The following SNX20 variants were observed in gnomAD, a reference collection of about 807,000 sequenced individuals.
The protein encoded by SNX20 is sorting nexin 20.
SNX20 carries 21 observed loss-of-function variants against 24.5 expected under a neutral mutation model. The ratio of observed to expected loss-of-function variants is 0.86; its 90% CI spans 0.61 to 1.23. SNX20 has a LOEUF of 1.23. Ranked by LOEUF, SNX20 falls within the 50% of genes most tolerant of loss-of-function variation. The pLI, the probability that SNX20 is intolerant of heterozygous loss-of-function variation, is 0.00. For synonymous variants in SNX20, 206 were observed against 192.8 expected (o/e 1.07, Z -0.57); for missense variants, 433 against 430.8 (o/e 1.00, Z -0.04).
chr16:50,667,757 G>A, downstream of SNX20: 1 of 533,396 alleles, frequency 1.9e-6, no homozygotes. Flanking sequence ...CCACTAGAGA[G>A]CAGAGCTAAG....
chr16:50,668,880 T>A (rs1962976310), downstream of SNX20: 3 of 1,413,292 alleles, frequency 2.1e-6, no homozygotes, highest in Non-Finnish European at 2.8e-6. Context: ...GGGGTCACAG[T>A]CCACCCTGAA....
At position 50,673,795 on chromosome 16, in the gene SNX20, C is replaced by G; in HGVS notation, c.562G>C (p.Glu188Gln). The G allele has an allele frequency of 6.3e-7, 1 of 1,577,566 alleles. No individual in the cohort carries two copies. Among genetic ancestry groups the G allele is most frequent in the East Asian group, 2.3e-5 (1 of 43,452 alleles). Residue 188 changes from glutamate to glutamine, a missense_variant, in exon 4 of 4, where the codon GAG becomes CAG. Coordinates refer to ENST00000330943, the MANE Select transcript of SNX20 (RefSeq NM_182854.4). This position sits in a 1 kb window ranked among gnomAD's most constrained non-coding sequence, Gnocchi z 4.1. ...AGGCAGCCGAAAGCCTCGCGCAGCT[C>G]CGGCCGCGTGAGGAAGTCCAGGAAC... is the stretch of plus-strand genomic sequence containing the variant. ...REFLDFLTRP[E>Q]LREAFGCLRA... is the part of the protein sequence containing the mutation.
In SNX20 at chr16:50,672,996, C is replaced by CT. The variant is rs112806997; in HGVS notation, c.*409dup. 0.053 allele frequency: 8,196 copies of CT among 155,450 alleles called. 747 individuals carry two copies. Among genetic ancestry groups the CT allele is most frequent in the African/African-American group, 0.19 (7,765 of 41,602 alleles). 9.6% of individuals were successfully genotyped at this position (155,450 alleles called of 1,614,324 possible). On this transcript the variant is annotated 3_prime_UTR_variant, in exon 4 of 4. Coordinates refer to ENST00000330943, the MANE Select transcript of SNX20 (RefSeq NM_182854.4). ...CCCAGCGAGTTAGAGCCCCCAGTGG[C>CT]TTTTCCCATTAAAAATGAACCCCAG...
At chr16:50,669,187 G>A (rs1640365212), downstream of SNX20, 9 of 937,900 alleles carry the variant, frequency 9.6e-6, no homozygotes. Flanking sequence ...TTAAAGGCGT[G>A]TCAGTCCATT....
Position 50,672,897 on chromosome 16 carries a change from AG to A in SNX20, c.*508del, listed in dbSNP as rs1012187159. ...CGTGGGACACAAGCAGAGGCTTCCA[AG>A]GGGTCCCAGGAGCACCTCTGTCCAA... On this transcript the variant is annotated 3_prime_UTR_variant, in exon 4 of 4. Transcript: ENST00000330943. The A allele has an allele frequency of 2.6e-5, 4 of 152,232 alleles. No individual in the cohort carries two copies. Among genetic ancestry groups the A allele is most frequent in the East Asian group, 1.9e-4 (1 of 5,190 alleles). The allele number at this position is 152,232 out of a possible 1,614,324, so 9.4% of individuals were successfully genotyped here. A position where few individuals can be genotyped will look rare whatever the true frequency, so the allele number is the denominator to read the frequency against.
intron 1 of SNX20, 139 bp from the exon 2 acceptor site, chr16:50,677,674 A>C: frequency 8.6e-6 from 8 of 932,936 alleles, no homozygotes; most frequent in South Asian, 5.2e-5. Flanking sequence ...AACCTTCCCC[A>C]CTCTCCCAGC....
chr16:50,673,711 C>G lies in SNX20; in HGVS notation c.646G>C (p.Glu216Gln), dbSNP rs762369910. Residue 216 changes from glutamate (E) to glutamine (Q), a missense_variant, in exon 4 of 4, where the codon GAG becomes CAG. Physicochemically the swap from Glu to Gln is conservative, Grantham distance 29. Coordinates refer to ENST00000330943, the MANE Select transcript of SNX20 (RefSeq NM_182854.4). This position sits in a 1 kb window ranked among gnomAD's most constrained non-coding sequence, Gnocchi z 4.1. ...GCAGGGCAGTGGGCGGTGAGCTTCT[C>G]CTGCAGCGGCAGCACGCGCAGCAGC... ...ELLLRVLPLQ[E>Q]KLTAHCPAAA... 170 of 1,500,294 alleles carry G rather than the reference C, an allele frequency of 1.1e-4. No individual in the cohort carries two copies. The highest frequency in any genetic ancestry group is 1.5e-4 in the Non-Finnish European group (166 of 1,133,040). 92.9% of individuals were successfully genotyped at this position (1,500,294 alleles called of 1,614,324 possible). A position where few individuals can be genotyped will look rare whatever the true frequency, so the allele number is the denominator to read the frequency against.
At chr16:50,679,940 G>A (rs1299636441) in intron 1 of SNX20, among the ~76,000 whole-genome samples, 1 of 152,208 alleles carries the variant, frequency 6.6e-6, no homozygotes, top group African/African-American at 2.4e-5. Context: ...GCTGGCTCCA[G>A]GTCAGAAGCA....
At chr16:50,677,606 G>A in intron 1 of SNX20, 71 bp from the exon 2 acceptor site, 1 of 1,385,654 alleles carries the variant, frequency 7.2e-7, no homozygotes, top group South Asian at 1.6e-5. Flanking sequence ...GGGGTGCCTA[G>A]GAGCTGTGTC....
chr16:50,674,045 C>T lies in SNX20; in HGVS notation c.312G>A (p.Gly104=). ...VVYQIIVIQT[G]SFDNNKAVLE... is the part of the protein sequence containing the mutation. The stretch of plus-strand genomic sequence containing the variant: ...GGACGGCCTTGTTGTTGTCAAAGCT[C>T]CCAGTCTGGATGACGATGATTTGGT... The change falls in exon 4 of 4, where the codon GGG becomes GGA. Residue 104 remains glycine (G), a synonymous_variant. Transcript: ENST00000330943. 1.2e-6 allele frequency: 2 copies of T among 1,607,132 alleles called. No individual in the cohort carries two copies. Among genetic ancestry groups the T allele is most frequent in the Non-Finnish European group, 1.7e-6 (2 of 1,176,508 alleles).
rs1187694230 is a variant in SNX20 at position 50,673,498 on chromosome 16, G to A, written c.859C>T (p.Leu287=). The part of the protein sequence containing the change: ...AYALGKDFVT[L]QERLEESQLR... ...TGGCTCTCCTCCAGCCTCTCCTGCA[G>A]AGTCACGAAGTCCTTGCCCAGCGCG... Residue 287 remains leucine, a synonymous_variant, in exon 4 of 4, where the codon CTG becomes TTG. Transcript: ENST00000330943. This position sits in a 1 kb window ranked among gnomAD's most constrained non-coding sequence, Gnocchi z 4.1. 1 of 1,609,414 alleles carries A rather than the reference G, an allele frequency of 6.2e-7. No individual in the cohort carries two copies. Among genetic ancestry groups the A allele is most frequent in the Non-Finnish European group, 8.5e-7 (1 of 1,178,584 alleles).
chr16:50,669,061 G>A (rs929663073), downstream of SNX20: 13 of 1,551,832 alleles, frequency 8.4e-6, no homozygotes, highest in East Asian at 4.9e-5. Context: ...TCACTTTGAC[G>A]TGGACATCTC....
Position 50,673,768 on chromosome 16 carries a change from G to A in SNX20, c.589C>T (p.Arg197Trp), listed in dbSNP as rs781674959. 1 of 1,531,468 alleles carries A rather than the reference G, an allele frequency of 6.5e-7. No homozygotes were observed. The allele number at this position is 1,531,468 out of a possible 1,614,324, so 94.9% of individuals were successfully genotyped here. The change falls in exon 4 of 4, where the codon CGG becomes TGG. Residue 197 changes from arginine to tryptophan, a missense_variant. Physicochemically the swap from Arg to Trp is moderately radical, Grantham distance 101. Coordinates refer to ENST00000330943, the MANE Select transcript of SNX20 (RefSeq NM_182854.4). The surrounding 1 kb of genome is among the most constrained non-coding windows in gnomAD (Gnocchi z 4.1). ...AGGGCGCGCGGGTACTGGCCGGCCC[G>A]CAGGCAGCCGAAAGCCTCGCGCAGC... ...PELREAFGCL[R>W]AGQYPRALEL...
In SNX20 at chr16:50,673,469, G is replaced by C. The variant is rs1963099270; in HGVS notation, c.888C>G (p.Leu296=). Residue 296 remains leucine, a synonymous_variant, in exon 4 of 4, where the codon CTC becomes CTG. Transcript: ENST00000330943. The surrounding 1 kb of genome is among the most constrained non-coding windows in gnomAD (Gnocchi z 4.1). ...TGATGCCTCGGGGCGTGGGCCTCCGGAGCTGGCTCTCCTCCAGCCTCTCCT... is the reference window on the plus strand; with the variant it reads ...TGATGCCTCGGGGCGTGGGCCTCCGCAGCTGGCTCTCCTCCAGCCTCTCCT... ...TLQERLEESQ[L]RRPTPRGITL... The C allele has an allele frequency of 6.2e-7, 1 of 1,603,782 alleles. No individual in the cohort carries two copies. The highest frequency in any genetic ancestry group is 1.7e-5 in the Admixed American group (1 of 58,816).
At chr16:50,668,574 A>G (rs906964878), downstream of SNX20, 1 of 1,015,306 alleles carries the variant, frequency 9.8e-7, no homozygotes, top group Admixed American at 5.2e-5. Flanking sequence ...AAAGGAAAAC[A>G]GCTGGTGATT....
chr16:50,679,872 C>T (rs1003550114), intron 1 of SNX20, among the ~76,000 whole-genome samples: 4 of 152,166 alleles, frequency 2.6e-5, no homozygotes, highest in South Asian at 2.1e-4. Context: ...TGGGTGATGG[C>T]GAGTGGCCTT....
chr16:50,674,610 G>A (rs1963143017), intron 3 of SNX20, among the ~76,000 whole-genome samples: 1 of 152,190 alleles, frequency 6.6e-6, no homozygotes, highest in East Asian at 1.9e-4. Context: ...AACACAGCAA[G>A]GTGGGGACAT....
downstream of SNX20, chr16:50,669,739 C>A (rs1962999591): frequency 6.6e-6 from 1 of 152,280 alleles, no homozygotes; most frequent in Admixed American, 6.5e-5. Context: ...GCTGTGTAAC[C>A]CTGGGCAAGT....
downstream of SNX20, chr16:50,670,616 G>C (rs1963024420): frequency 6.6e-6 from 1 of 152,386 alleles, no homozygotes; most frequent in Non-Finnish European, 1.5e-5. Flanking sequence ...CCCCGGTGGG[G>C]CTGCAGTGGG....
Sources: gnomAD v4.1 joint callset for allele counts (sites outside exome capture counted in the v4.1 genomes callset) on GRCh38, gnomAD v4.1.1 for gene constraint, Gnocchi (gnomAD v3.1) non-coding constraint, MANE v1.5 for transcripts, NCBI Gene and HGNC (gene_info 2026-07-23, HGNC 2026-07-21) for gene names.